Variants in FHIT observed in about 807,000 individuals in gnomAD.
FHIT encodes fragile histidine triad diadenosine triphosphatase, also known as bis(5'-adenosyl)-triphosphatase.
Under a neutral mutation model 17.9 loss-of-function variants are expected in FHIT, and 19 were observed. That is an observed-to-expected ratio of 1.06 (90% CI 0.74 to 1.56). The LOEUF is 1.56. FHIT is among the 40% of genes most tolerant of loss of function. FHIT has a pLI of 0.00. For synonymous variants in FHIT, 81 were observed against 69.7 expected (o/e 1.16, Z -0.81); for missense variants, 248 against 189.2 (o/e 1.31, Z -1.82).
At chr3:60,443,606 C>T (rs947872146) in intron 5 of FHIT, among the ~76,000 whole-genome samples, 6 of 152,274 alleles carry the variant, frequency 3.9e-5, no homozygotes, top group Middle Eastern at 3.4e-3. Flanking sequence ...ACCAGCCTTG[C>T]ATCCCAGGGA....
At chr3:60,591,161 C>G (rs547604533) in intron 4 of FHIT, among the ~76,000 whole-genome samples, 6 of 152,040 alleles carry the variant, frequency 3.9e-5, no homozygotes, top group Admixed American at 6.6e-5. Flanking sequence ...CATAGCACCC[C>G]ACAAACTAAA....
At chr3:59,988,803 G>T (rs1709099589) in intron 7 of FHIT, among the ~76,000 whole-genome samples, 1 of 152,110 alleles carries the variant, frequency 6.6e-6, no homozygotes, top group Non-Finnish European at 1.5e-5. Context: ...TAAGTAGGAA[G>T]TAGGACAAGC....
chr3:60,469,920 C>T (rs1216897268), intron 5 of FHIT, among the ~76,000 whole-genome samples: 2 of 152,220 alleles, frequency 1.3e-5, no homozygotes, highest in Middle Eastern at 3.4e-3. Flanking sequence ...CAGATACCAC[C>T]GTGGTGGTCT....
At chr3:61,014,807 A>AAAAAAAAAAATT (rs1553798839) in intron 3 of FHIT, among the ~76,000 whole-genome samples, 13 of 49,116 alleles carry the variant, frequency 2.6e-4, no homozygotes, top group African/African-American at 5.9e-4. Context: ...AAAAAAAAAA[A>AAAAAAAAAAATT]ATATATATAT....
At chr3:60,660,727 C>CTTTTTTTTTTTTTTTTTTTT (rs1220817643) in intron 4 of FHIT, among the ~76,000 whole-genome samples, 6 of 16,724 alleles carry the variant, frequency 3.6e-4, no homozygotes, top group Admixed American at 6.0e-4. Context: ...TTTTATTGTG[C>CTTTTTTTTTTTTTTTTTTTT]TCTTTTTTTT....
chr3:61,036,026 A>G (rs557370464), intron 3 of FHIT, among the ~76,000 whole-genome samples: 4 of 152,212 alleles, frequency 2.6e-5, no homozygotes, highest in African/African-American at 7.2e-5. Context: ...TTACATTGCT[A>G]TGAAGAACTA....
At chr3:59,895,787 C>T (rs1451548202) in intron 8 of FHIT, among the ~76,000 whole-genome samples, 1 of 152,244 alleles carries the variant, frequency 6.6e-6, no homozygotes, top group African/African-American at 2.4e-5. Flanking sequence ...AATCAGATTA[C>T]ATCCCTCTTG....
chr3:60,729,824 T>C (rs1424758883), intron 4 of FHIT, among the ~76,000 whole-genome samples: 1 of 152,092 alleles, frequency 6.6e-6, no homozygotes, highest in African/African-American at 2.4e-5. Context: ...ACCTATATAA[T>C]GGAGGCAGCA....
chr3:60,628,184 C>T (rs1468371984), intron 4 of FHIT, among the ~76,000 whole-genome samples: 1 of 152,052 alleles, frequency 6.6e-6, no homozygotes, highest in Non-Finnish European at 1.5e-5. Flanking sequence ...TTCTCATTTT[C>T]ATTGTGATTT....
chr3:60,079,369 G>C (rs150535077), intron 5 of FHIT, among the ~76,000 whole-genome samples: 2 of 152,246 alleles, frequency 1.3e-5, no homozygotes, highest in East Asian at 3.9e-4. Flanking sequence ...TTTTTCCAGA[G>C]TGGGAGGATG....
At chr3:60,607,943 G>A (rs899555270) in intron 4 of FHIT, among the ~76,000 whole-genome samples, 2 of 152,070 alleles carry the variant, frequency 1.3e-5, no homozygotes, top group African/African-American at 4.8e-5. Context: ...TAATACTCAA[G>A]CCCCTTACTT....
intron 2 of FHIT, among the ~76,000 whole-genome samples, chr3:61,173,685 G>C (rs1442425411): frequency 1.3e-5 from 2 of 152,136 alleles, no homozygotes; most frequent in Non-Finnish European, 2.9e-5. Context: ...GAGACTGTTA[G>C]GTTATAAAAA....
At chr3:61,180,788 A>G (rs184455243) in intron 2 of FHIT, among the ~76,000 whole-genome samples, 1 of 152,318 alleles carries the variant, frequency 6.6e-6, no homozygotes, top group East Asian at 1.9e-4. Context: ...TGATGTTAAC[A>G]GATATATATG....
intron 3 of FHIT, among the ~76,000 whole-genome samples, chr3:60,941,053 C>T (rs59624716): frequency 0.044 from 6,692 of 152,226 alleles, 516 homozygotes; most frequent in African/African-American, 0.15. Flanking sequence ...AATAGATCCA[C>T]AACCTTATTT....
At chr3:59,938,365 G>T (rs1313755253) in intron 7 of FHIT, among the ~76,000 whole-genome samples, 1 of 152,086 alleles carries the variant, frequency 6.6e-6, no homozygotes, top group Non-Finnish European at 1.5e-5. Context: ...TAGAGATAGA[G>T]AATAAAACAG....
intron 4 of FHIT, among the ~76,000 whole-genome samples, chr3:60,548,985 A>G (rs2036459390): frequency 6.6e-6 from 1 of 152,160 alleles, no homozygotes; most frequent in Non-Finnish European, 1.5e-5. Context: ...AGCTTCTTTA[A>G]ATTTGAGAAA....
At chr3:60,219,895 G>A (rs1576326653) in intron 5 of FHIT, among the ~76,000 whole-genome samples, 1 of 152,096 alleles carries the variant, frequency 6.6e-6, no homozygotes, top group South Asian at 2.1e-4. Context: ...ACTCAACCTG[G>A]ATCTGCCTTA....
intron 4 of FHIT, among the ~76,000 whole-genome samples, chr3:60,747,800 T>C (rs1277345178): frequency 6.6e-6 from 1 of 152,088 alleles, no homozygotes; most frequent in Non-Finnish European, 1.5e-5. Context: ...GAACCCAAGG[T>C]TCAGAGAGGT....
chr3:60,358,994 A>G (rs569732798), intron 5 of FHIT, among the ~76,000 whole-genome samples: 1 of 152,286 alleles, frequency 6.6e-6, no homozygotes, highest in South Asian at 2.1e-4. Flanking sequence ...CTACTTGTTC[A>G]AGCAACAGGA....
Sources: gnomAD v4.1 joint callset for allele counts (sites outside exome capture counted in the v4.1 genomes callset) on GRCh38, gnomAD v4.1.1 for gene constraint, MANE v1.5 for transcripts, NCBI Gene and HGNC (gene_info 2026-07-23, HGNC 2026-07-21) for gene names.